The following AZIN2 variants were observed in gnomAD, a reference collection of about 807,000 sequenced individuals.
The protein encoded by AZIN2 is antizyme inhibitor 2.
In AZIN2, 28 loss-of-function variants were observed where a neutral mutation model predicts 47.8. The observed-to-expected ratio is 0.59, with a 90% CI of 0.43 to 0.80. The LOEUF (loss-of-function observed/expected upper bound fraction) is 0.80, where lower values mean the gene tolerates loss of function less well. AZIN2 is among the 30% of genes least tolerant of loss of function. The pLI is 0.00. For missense variants in AZIN2, 535 were observed against 582.5 expected, an observed-to-expected ratio of 0.92 and a Z score of 0.84; for synonymous variants, 221 against 239.4, an observed-to-expected ratio of 0.92 and a Z score of 0.71.
At chr1:33,134,430 A>G in the AZIN2 span, among the ~76,000 whole-genome samples, 4,056 of 152,278 alleles carry the variant, frequency 0.027, 168 homozygotes, top group African/African-American at 0.081. Flanking sequence ...GGAATCCAAT[A>G]ATACTGCCTC....
rs1297328765 is a variant in AZIN2 at position 33,092,236 on chromosome 1, C to T, written c.452+14C>T. 1 of 1,611,656 alleles carries T rather than the reference C, an allele frequency of 6.2e-7. No homozygotes were observed. The highest frequency in any genetic ancestry group is 8.5e-7 in the Non-Finnish European group (1 of 1,178,872). ...CCCCAGTGCCAAGTAAGCTGAGAACCACTCATGGGGAGGCTGGGCTGTGGG... is the reference window on the plus strand; with the variant it reads ...CCCCAGTGCCAAGTAAGCTGAGAACTACTCATGGGGAGGCTGGGCTGTGGG... On this transcript the variant is annotated intron_variant, in intron 6 of 11. Transcript: ENST00000294517.
the AZIN2 span, among the ~76,000 whole-genome samples, chr1:33,159,334 A>G: frequency 1.3e-5 from 2 of 152,094 alleles, no homozygotes; most frequent in African/African-American, 2.4e-5. The surrounding 1 kb of genome is among the most constrained non-coding windows in gnomAD (Gnocchi z 4.2). Flanking sequence ...TACTATCTAT[A>G]ATGTATACAG....
the AZIN2 span, among the ~76,000 whole-genome samples, chr1:33,134,192 C>T: frequency 1.3e-5 from 2 of 152,358 alleles, no homozygotes; most frequent in East Asian, 3.9e-4. Context: ...GTGGCAGTCC[C>T]TCAATAAATT....
chr1:33,092,449 G>A (rs1642670125), intron 6 of AZIN2, among the ~76,000 whole-genome samples: 1 of 152,164 alleles, frequency 6.6e-6, no homozygotes. Flanking sequence ...CTGAACCCAG[G>A]ATGCTAGGGT....
chr1:33,133,157 A>G, the AZIN2 span, among the ~76,000 whole-genome samples: 2 of 152,184 alleles, frequency 1.3e-5, no homozygotes, highest in African/African-American at 4.8e-5. Context: ...GGGCAGCAGA[A>G]TGGACCTTCC....
chr1:33,105,764 A>G lies in AZIN2; in HGVS notation c.1029+7585A>G, dbSNP rs1570114650. On this transcript the variant is annotated intron_variant, in intron 10 of 11. Coordinates refer to ENST00000294517, the MANE Select transcript of AZIN2 (RefSeq NM_052998.4). ...TATCAGTGTGTAAAGATGCAATTCA[A>G]CAAATGTGTATGAGCACTTCACAAA... Among the ~76,000 whole-genome samples the G allele has an allele frequency of 3.3e-5, 5 of 152,342 alleles. No homozygotes were observed. In the East Asian group the frequency reaches 9.6e-4, roughly 29 times the overall value.
intron 5 of AZIN2, among the ~76,000 whole-genome samples, chr1:33,090,662 G>A (rs2124505326): frequency 6.6e-6 from 1 of 152,294 alleles, no homozygotes; most frequent in East Asian, 1.9e-4. Flanking sequence ...TGGTTAACAA[G>A]CTAATTAGGC....
intron 10 of AZIN2, among the ~76,000 whole-genome samples, chr1:33,100,252 C>T (rs1475524287): frequency 2.7e-5 from 4 of 150,018 alleles, no homozygotes; most frequent in East Asian, 2.0e-4. Context: ...GCCTGGGAGG[C>T]GGAGGTTGCA....
the AZIN2 span, among the ~76,000 whole-genome samples, chr1:33,153,066 G>A: frequency 6.6e-6 from 1 of 152,010 alleles, no homozygotes; most frequent in African/African-American, 2.4e-5. Context: ...GAGGGTGGAA[G>A]TGCCAGAGCA....
chr1:33,114,444 T>G (rs1218033299), intron 10 of AZIN2, among the ~76,000 whole-genome samples: 1 of 149,510 alleles, frequency 6.7e-6, no homozygotes, highest in Middle Eastern at 3.2e-3. Flanking sequence ...AGCTCCACCT[T>G]CCGGGTTCAC....
rs768280559 is a variant in AZIN2 at position 33,120,446 on chromosome 1, G to C, written c.*264G>C. 1 of 444,600 alleles carries C rather than the reference G, an allele frequency of 2.2e-6. No homozygotes were observed. The highest frequency in any genetic ancestry group is 4.0e-6 in the Non-Finnish European group (1 of 252,134). 27.5% of individuals were successfully genotyped at this position (444,600 alleles called of 1,614,324 possible). On this transcript the variant is annotated 3_prime_UTR_variant, in exon 12 of 12. Coordinates refer to ENST00000294517, the MANE Select transcript of AZIN2 (RefSeq NM_052998.4). ...AGGGGCCTGGTCAGCCAGGTGTGGGGGTGTTCTTGGGGTCTCCTTTGGTCT... is the reference window on the plus strand; with the variant it reads ...AGGGGCCTGGTCAGCCAGGTGTGGGCGTGTTCTTGGGGTCTCCTTTGGTCT...
the AZIN2 span, among the ~76,000 whole-genome samples, chr1:33,161,814 A>G: frequency 6.6e-6 from 1 of 151,884 alleles, no homozygotes; most frequent in South Asian, 2.1e-4. This position sits in a 1 kb window ranked among gnomAD's most constrained non-coding sequence, Gnocchi z 4.3. Flanking sequence ...CCCACTCGCC[A>G]CCCTCTCCTA....
At position 33,096,868 on chromosome 1, in the gene AZIN2, G is replaced by A. The variant is rs141584730; in HGVS notation, c.915G>A (p.Glu305=). Residue 305 remains glutamate, a splice_region_variant and synonymous_variant, in exon 9 of 12, where the codon GAG becomes GAA. Coordinates refer to ENST00000294517, the MANE Select transcript of AZIN2 (RefSeq NM_052998.4). ...TTCTGCTAGACCAGCCTGGCAGGGA[G>A]GGTAGGTGCCAGGTGGGCAGTGGAG... is the stretch of plus-strand genomic sequence containing the variant. The part of the protein sequence containing the change: ...KEVLLDQPGR[E]EENGSTSKTI... The A allele has an allele frequency of 1.0e-3, 1,623 of 1,614,124 alleles. 3 individuals are homozygous for A. The highest frequency in any genetic ancestry group is 1.2e-3 in the Non-Finnish European group (1,404 of 1,179,998).
chr1:33,160,565 C>T, the AZIN2 span, among the ~76,000 whole-genome samples: 2 of 151,892 alleles, frequency 1.3e-5, no homozygotes, highest in Admixed American at 6.6e-5. Flanking sequence ...CCACTATGCC[C>T]GGATAATTTT....
chr1:33,123,454 T>C lies in AZIN2; in HGVS notation c.*3272T>C, dbSNP rs1644832217. 2.0e-5 allele frequency among the ~76,000 whole-genome samples: 3 copies of C among 152,192 alleles called. No homozygotes were observed. On this transcript the variant is annotated 3_prime_UTR_variant, in exon 12 of 12. Transcript: ENST00000294517. ...TGCTGGATGGGCAAATGAATAAACA[T>C]GTCTGAATCTGTCTGAATAAACATG...
chr1:33,133,046 AG>A, the AZIN2 span, among the ~76,000 whole-genome samples: 1 of 152,214 alleles, frequency 6.6e-6, no homozygotes, highest in East Asian at 1.9e-4. Flanking sequence ...CTCCTTGGTA[AG>A]GTTCCCTGCG....
chr1:33,151,185 T>C, the AZIN2 span, among the ~76,000 whole-genome samples: 1 of 152,148 alleles, frequency 6.6e-6, no homozygotes, highest in East Asian at 1.9e-4. Flanking sequence ...AGCCTGCAGA[T>C]TGGAGGAAAT....
the AZIN2 span, among the ~76,000 whole-genome samples, chr1:33,150,950 G>T: frequency 1.3e-5 from 2 of 152,226 alleles, no homozygotes; most frequent in East Asian, 1.9e-4. Context: ...GATATCTAAG[G>T]CGCCTGGGTG....
At position 33,118,383 on chromosome 1, in the gene AZIN2, C is replaced by T. The variant is rs550034582; in HGVS notation, c.1244+267C>T. ...GTGCCTGGTGGAAGTGCAGAGCCCT[C>T]CCTGAGGCCCAGGCCTCCCTGAGGA... On this transcript the variant is annotated intron_variant, in intron 11 of 11. Transcript: ENST00000294517. 1.4e-4 allele frequency: 47 copies of T among 340,496 alleles called. 1 individual carries two copies. The highest frequency in any genetic ancestry group is 2.2e-4 in the Non-Finnish European group (42 of 188,718). The allele number at this position is 340,496 out of a possible 1,614,324, so 21.1% of individuals were successfully genotyped here. A position where few individuals can be genotyped will look rare whatever the true frequency, so the allele number is the denominator to read the frequency against.
Sources: allele counts gnomAD v4.1 joint callset (sites outside exome capture counted in the v4.1 genomes callset), GRCh38; gene constraint gnomAD v4.1.1; non-coding constraint Gnocchi (gnomAD v3.1); transcripts MANE v1.5; gene names NCBI Gene and HGNC (gene_info 2026-07-23, HGNC 2026-07-21).